SYT3: variants seen among roughly 807,000 people sequenced by gnomAD.
SYT3 encodes the protein synaptotagmin 3, also known as synaptotagmin-3.
A neutral mutation model predicts 50.6 loss-of-function variants in SYT3; 25 were observed. The observed-to-expected ratio is 0.49, with a 90% CI of 0.36 to 0.69. SYT3 has a LOEUF of 0.69. Among genes scored for constraint, SYT3 ranks in the 30% least tolerant of loss-of-function variants. The pLI is 0.00. For synonymous variants in SYT3, 323 were observed against 353.9 expected (o/e 0.91, Z 0.98); for missense variants, 589 against 793.6 (o/e 0.74, Z 3.10).
intron 3 of SYT3, among the ~76,000 whole-genome samples, chr19:50,636,384 A>G (rs147637935): frequency 9.1e-4 from 138 of 152,332 alleles, no homozygotes; most frequent in African/African-American, 3.0e-3. Flanking sequence ...TAGACTATGC[A>G]GGATTCAGTT....
the SYT3 span, among the ~76,000 whole-genome samples, chr19:50,653,895 T>C: frequency 4.6e-5 from 7 of 151,944 alleles, no homozygotes; most frequent in South Asian, 2.1e-4. Context: ...CTTCATCTCA[T>C]TGGGAACCAG....
In SYT3 at chr19:50,632,599, G is replaced by A; in HGVS notation, c.361C>T (p.Leu121=). The change falls in exon 4 of 11, where the codon CTG becomes TTG. Residue 121 remains leucine (L), a synonymous_variant. Coordinates refer to ENST00000600079, the MANE Select transcript of SYT3 (RefSeq NM_001160329.2). This position sits in a 1 kb window ranked among gnomAD's most constrained non-coding sequence, Gnocchi z 4.7. The part of the protein sequence containing the change: ...GGGGHHLAAG[L]GGHPLLGGPH... ...CCGCCCAGCAGAGGATGGCCACCCAGGCCAGCCGCCAGGTGGTGCCCGCCT... is the reference window on the plus strand; with the variant it reads ...CCGCCCAGCAGAGGATGGCCACCCAAGCCAGCCGCCAGGTGGTGCCCGCCT... The A allele has an allele frequency of 6.3e-7, 1 of 1,579,024 alleles. No individual in the cohort carries two copies. Among genetic ancestry groups the A allele is most frequent in the South Asian group, 1.1e-5 (1 of 89,108 alleles).
rs766336772 is a variant in SYT3 at position 50,625,513 on chromosome 19, C to T, written c.1454G>A (p.Arg485Gln). 6.2e-6 allele frequency: 10 copies of T among 1,609,890 alleles called. No individual in the cohort carries two copies. Among genetic ancestry groups the T allele is most frequent in the Non-Finnish European group, 8.5e-6 (10 of 1,178,414 alleles). The change falls in exon 8 of 11, where the codon CGG becomes CAG. Residue 485 changes from arginine (R) to glutamine (Q), a missense_variant. Arg to Gln is a conservative substitution (Grantham distance 43). Around this residue, in one of 2 missense-constraint regions of SYT3, gnomAD observed 273 missense variants for 439.3 expected, o/e 0.62. Coordinates refer to ENST00000600079, the MANE Select transcript of SYT3 (RefSeq NM_001160329.2). This position sits in a 1 kb window ranked among gnomAD's most constrained non-coding sequence, Gnocchi z 7.5. ...LISEGRRLKK[R>Q]KTSIKKNTLN... is the part of the protein sequence containing the mutation. Reference sequence around the variant, plus strand: ...CGTGTTCTTCTTGATGGAGGTTTTCCGCTTCTTCAGACGCCGCCCCTCGCT... The same window carrying T: ...CGTGTTCTTCTTGATGGAGGTTTTCTGCTTCTTCAGACGCCGCCCCTCGCT...
chr19:50,638,055 A>G (rs1984553224), intron 2 of SYT3: 1 of 152,344 alleles, frequency 6.6e-6, no homozygotes, highest in Non-Finnish European at 1.5e-5. Flanking sequence ...TAAACAAGCA[A>G]ACAAAAACAC....
chr19:50,625,437 G>A lies in SYT3; in HGVS notation c.1530C>T (p.Ser510=), dbSNP rs1046985127. ...CGATGCTGAGCCCCACGTTCTCCAC[G>A]CTCTCGGGGGCCACGTCGAACACCA... ...EALVFDVAPE[S]VENVGLSIAV... is the part of the protein sequence containing the mutation. The change falls in exon 8 of 11, where the codon AGC becomes AGT. Residue 510 remains serine, a synonymous_variant. Transcript: ENST00000600079. The surrounding 1 kb of genome is among the most constrained non-coding windows in gnomAD (Gnocchi z 7.5). 63 of 1,571,688 alleles carry A rather than the reference G, an allele frequency of 4.0e-5. No individual in the cohort carries two copies. The highest frequency in any genetic ancestry group is 5.4e-5 in the Non-Finnish European group (62 of 1,158,338).
chr19:50,650,569 G>A, the SYT3 span, among the ~76,000 whole-genome samples: 1 of 152,138 alleles, frequency 6.6e-6, no homozygotes, highest in South Asian at 2.1e-4. Context: ...TACTAGGGAG[G>A]CTGAGGCAGG....
Position 50,625,386 on chromosome 19 carries a change from C to CCGGG in SYT3, c.1574+6_1574+7insCCCG. 6.5e-7 allele frequency: 1 copy of CCGGG among 1,547,466 alleles called. No individual in the cohort carries two copies. The highest frequency in any genetic ancestry group is 8.7e-7 in the Non-Finnish European group (1 of 1,146,550). ...TGCCTGACCCCCGCCCGGGCCGCGCCCCTCACCAGTCGTAGTCTACCACGG... is the reference window on the plus strand; with the variant it reads ...TGCCTGACCCCCGCCCGGGCCGCGCCCGGGCCTCACCAGTCGTAGTCTACCACGG... On this transcript the variant is annotated splice_region_variant and intron_variant, in intron 8 of 10. Coordinates refer to ENST00000600079, the MANE Select transcript of SYT3 (RefSeq NM_001160329.2). This position sits in a 1 kb window ranked among gnomAD's most constrained non-coding sequence, Gnocchi z 7.5.
At chr19:50,658,092 T>C in the SYT3 span, 21 of 1,535,528 alleles carry the variant, frequency 1.4e-5, no homozygotes, top group East Asian at 4.9e-4. Context: ...TTTGAGAACA[T>C]GAACGTCATC....
chr19:50,625,525 C>G lies in SYT3; in HGVS notation c.1442G>C (p.Arg481Pro). 2 of 1,605,578 alleles carry G rather than the reference C, an allele frequency of 1.2e-6. No homozygotes were observed. The highest frequency in any genetic ancestry group is 1.7e-6 in the Non-Finnish European group (2 of 1,176,236). ...VKASLISEGR[R>P]LKKRKTSIKK... is the part of the protein sequence containing the mutation. Reference sequence around the variant, plus strand: ...GATGGAGGTTTTCCGCTTCTTCAGACGCCGCCCCTCGCTGATCAGGGAGGC... The same window carrying G: ...GATGGAGGTTTTCCGCTTCTTCAGAGGCCGCCCCTCGCTGATCAGGGAGGC... The change falls in exon 8 of 11, where the codon CGT (arginine) becomes CCT (proline). Residue 481 changes from arginine (R) to proline (P), a missense_variant. Physicochemically the swap from Arg to Pro is moderately radical, Grantham distance 103. Coordinates refer to ENST00000600079, the MANE Select transcript of SYT3 (RefSeq NM_001160329.2). This position sits in a 1 kb window ranked among gnomAD's most constrained non-coding sequence, Gnocchi z 7.5.
chr19:50,629,310 A>G lies in SYT3; in HGVS notation c.1265T>C (p.Ile422Thr). The G allele has an allele frequency of 6.2e-7, 1 of 1,606,154 alleles. No homozygotes were observed. The highest frequency in any genetic ancestry group is 8.5e-7 in the Non-Finnish European group (1 of 1,174,650). The part of the protein sequence containing the change: ...QPPDRPLWRD[I>T]VEGGSEKADL... ...GCCACTGACCGAGCCGCCCTCCACGATGTCCCTCCAGAGCGGGCGGTCAGG... is the reference window on the plus strand; with the variant it reads ...GCCACTGACCGAGCCGCCCTCCACGGTGTCCCTCCAGAGCGGGCGGTCAGG... The change falls in exon 6 of 11, where the codon ATC becomes ACC. Residue 422 changes from isoleucine (I) to threonine (T), a missense_variant. Physicochemically the swap from Ile to Thr is moderately conservative, Grantham distance 89. Coordinates refer to ENST00000600079, the MANE Select transcript of SYT3 (RefSeq NM_001160329.2).
At chr19:50,626,671 G>T (rs1458183403) in intron 6 of SYT3, among the ~76,000 whole-genome samples, 2 of 149,078 alleles carry the variant, frequency 1.3e-5, no homozygotes, top group African/African-American at 5.0e-5. Context: ...ACAGAGAGGG[G>T]GACAGAGACC....
At chr19:50,627,096 GGCTGGAGCCAC>G (rs1176723243) in intron 6 of SYT3, among the ~76,000 whole-genome samples, 2 of 152,174 alleles carry the variant, frequency 1.3e-5, no homozygotes, top group African/African-American at 4.8e-5. Flanking sequence ...CTGACACACA[GGCTGGAGCCAC>G]GCTGGAGCTA....
chr19:50,647,720 C>T, the SYT3 span, among the ~76,000 whole-genome samples: 10 of 151,902 alleles, frequency 6.6e-5, no homozygotes, highest in Admixed American at 2.6e-4. Context: ...CAGGAGAGGA[C>T]GAGGTCTGAG....
upstream of SYT3, among the ~76,000 whole-genome samples, chr19:50,640,001 C>T (rs763300460): frequency 6.6e-6 from 1 of 152,196 alleles, no homozygotes; most frequent in Non-Finnish European, 1.5e-5. Context: ...GGGACTAAGG[C>T]AGCAGAGACC....
rs1984331582 is a variant in SYT3, at chr19:50,632,206, A to G, written c.674+80T>C. On this transcript the variant is annotated intron_variant, in intron 4 of 10. Transcript: ENST00000600079. The surrounding 1 kb of genome is among the most constrained non-coding windows in gnomAD (Gnocchi z 4.7). Reference sequence around the variant, plus strand: ...CGATTCCCCTCCAAATCCCGAACTCATAAGAGCTATAGATAGGAAAGAGAC... The same window carrying G: ...CGATTCCCCTCCAAATCCCGAACTCGTAAGAGCTATAGATAGGAAAGAGAC... 5 of 1,432,438 alleles carry G rather than the reference A, an allele frequency of 3.5e-6. No homozygotes were observed. Among genetic ancestry groups the G allele is most frequent in the African/African-American group, 1.4e-5 (1 of 70,078 alleles). 88.7% of individuals were successfully genotyped at this position (1,432,438 alleles called of 1,614,324 possible). A position where few individuals can be genotyped will look rare whatever the true frequency, so the allele number is the denominator to read the frequency against.
chr19:50,653,860 C>G, the SYT3 span, among the ~76,000 whole-genome samples: 1 of 151,870 alleles, frequency 6.6e-6, no homozygotes, highest in Admixed American at 6.6e-5. Flanking sequence ...TGATGGAAAG[C>G]ACAGGCAAGC....
the SYT3 span, among the ~76,000 whole-genome samples, chr19:50,651,280 C>CA: frequency 2.0e-5 from 3 of 152,156 alleles, no homozygotes; most frequent in Non-Finnish European, 4.4e-5. Flanking sequence ...CTCTTTTGCT[C>CA]AAAAACCTTG....
At chr19:50,627,796 GTGA>G (rs1214335174) in intron 6 of SYT3, among the ~76,000 whole-genome samples, 8 of 152,148 alleles carry the variant, frequency 5.3e-5, no homozygotes, top group South Asian at 2.1e-4. Flanking sequence ...AAAACCTCAA[GTGA>G]TGATGATGGA....
chr19:50,650,168 A>G, the SYT3 span, among the ~76,000 whole-genome samples: 1 of 151,906 alleles, frequency 6.6e-6, no homozygotes, highest in Non-Finnish European at 1.5e-5. Flanking sequence ...AACACTTCCT[A>G]GCTTCCTGTC....
Sources: allele counts gnomAD v4.1 joint callset (sites outside exome capture counted in the v4.1 genomes callset), GRCh38; gene constraint gnomAD v4.1.1; regional missense constraint gnomAD v4.1.1; non-coding constraint Gnocchi (gnomAD v3.1); transcripts MANE v1.5; gene names NCBI Gene and HGNC (gene_info 2026-07-23, HGNC 2026-07-21).